HMG20A: variants seen among roughly 807,000 people sequenced by gnomAD.
The protein encoded by HMG20A is high mobility group protein 20A.
Under a neutral mutation model 43.9 loss-of-function variants are expected in HMG20A, and 17 were observed. The ratio of observed to expected loss-of-function variants is 0.39; its 90% CI spans 0.27 to 0.58. HMG20A has a LOEUF of 0.58. Among genes scored for constraint, HMG20A ranks in the 20% least tolerant of loss-of-function variants. HMG20A has a pLI of 0.59. For synonymous variants in HMG20A, 132 were observed against 147.5 expected (o/e 0.89, Z 0.76); for missense variants, 341 against 438.2 (o/e 0.78, Z 1.98).
At chr15:77,423,793 G>C (rs2073395815) in intron 1 of HMG20A, among the ~76,000 whole-genome samples, 1 of 152,144 alleles carries the variant, frequency 6.6e-6, no homozygotes, top group South Asian at 2.1e-4. Context: ...TGTCGTTTTG[G>C]TGGTGGTTTG....
At position 77,453,623 on chromosome 15, in the gene HMG20A, A is replaced by G. The variant is rs545371519; in HGVS notation, c.-4-4781A>G. On this transcript the variant is annotated intron_variant, in intron 1 of 9. Transcript: ENST00000336216. The stretch of plus-strand genomic sequence containing the variant: ...ATGTCCACACAAAAATTTATACACA[A>G]ATGTTCATAAGCAGCAGCATTCATA... Among the ~76,000 whole-genome samples, 5 of 152,336 alleles carry G rather than the reference A, an allele frequency of 3.3e-5. No individual in the cohort carries two copies. The South Asian group carries it at 1.0e-3, about 32-fold the overall frequency.
At chr15:77,514,166 A>G in the HMG20A span, among the ~76,000 whole-genome samples, 1 of 152,242 alleles carries the variant, frequency 6.6e-6, no homozygotes, top group Non-Finnish European at 1.5e-5. Context: ...TCAAATGCCC[A>G]TCACCAGTAG....
chr15:77,460,943 G>A (rs139511619), intron 2 of HMG20A, among the ~76,000 whole-genome samples: 66 of 152,182 alleles, frequency 4.3e-4, no homozygotes, highest in African/African-American at 1.5e-3. Flanking sequence ...CTGTGATCGT[G>A]CCACTGCACT....
At chr15:77,508,754 T>C in the HMG20A span, among the ~76,000 whole-genome samples, 1 of 152,252 alleles carries the variant, frequency 6.6e-6, no homozygotes, top group South Asian at 2.1e-4. Flanking sequence ...GGAGAAATTA[T>C]CCATTTTTAA....
At chr15:77,443,467 C>T (rs2073638793) in intron 1 of HMG20A, among the ~76,000 whole-genome samples, 1 of 150,216 alleles carries the variant, frequency 6.7e-6, no homozygotes, top group Non-Finnish European at 1.5e-5. Context: ...TCTCACCTCA[C>T]TGCAACATCC....
chr15:77,478,382 T>C lies in HMG20A; in HGVS notation c.779T>C (p.Met260Thr). Reference protein sequence around the residue: ...NAALQKHVESMRTAVEKLEVD... With the variant: ...NAALQKHVESTRTAVEKLEVD... ...GCCCTGCAAAAGCACGTGGAGAGCATGCGCACAGCAGTGGAGAAGCTGGAG... is the reference window on the plus strand; with the variant it reads ...GCCCTGCAAAAGCACGTGGAGAGCACGCGCACAGCAGTGGAGAAGCTGGAG... The change falls in exon 8 of 10, where the codon ATG becomes ACG. Residue 260 changes from methionine to threonine, a missense_variant. This residue lies in a region of HMG20A where 118 missense variants were observed against 154.5 expected (regional missense o/e 0.76). Coordinates refer to ENST00000336216, the MANE Select transcript of HMG20A (RefSeq NM_001304504.2). 1.2e-6 allele frequency: 2 copies of C among 1,613,588 alleles called. No homozygotes were observed. Among genetic ancestry groups the C allele is most frequent in the Non-Finnish European group, 1.7e-6 (2 of 1,180,026 alleles).
At chr15:77,497,427 C>A in the HMG20A span, among the ~76,000 whole-genome samples, 12 of 152,204 alleles carry the variant, frequency 7.9e-5, no homozygotes, top group African/African-American at 2.9e-4. Flanking sequence ...GGAGGCCTGG[C>A]TGGCTCCAAA....
downstream of HMG20A, among the ~76,000 whole-genome samples, chr15:77,487,331 G>A (rs182672932): frequency 5.9e-5 from 9 of 152,318 alleles, no homozygotes; most frequent in Admixed American, 2.6e-4. Flanking sequence ...GGCAACTAAT[G>A]TTAATTTCAT....
chr15:77,468,473 T>C (rs540294592), intron 4 of HMG20A, among the ~76,000 whole-genome samples: 1 of 152,278 alleles, frequency 6.6e-6, no homozygotes. Context: ...CAACACTCTT[T>C]ACCCAGATTC....
intron 1 of HMG20A, among the ~76,000 whole-genome samples, chr15:77,443,577 A>G (rs1490698052): frequency 6.6e-6 from 1 of 151,354 alleles, no homozygotes; most frequent in African/African-American, 2.4e-5. Context: ...TTTTCAGTAG[A>G]GACAGGGTTT....
chr15:77,494,479 C>T, the HMG20A span, among the ~76,000 whole-genome samples: 2 of 152,148 alleles, frequency 1.3e-5, no homozygotes, highest in African/African-American at 2.4e-5. Flanking sequence ...GACATCAGAA[C>T]AACATCTGGA....
At chr15:77,478,635 T>G in intron 8 of HMG20A, 125 bp downstream of exon 8, 1 of 733,112 alleles carries the variant, frequency 1.4e-6, no homozygotes, top group East Asian at 2.7e-5. Context: ...TTAATTAAAC[T>G]ACATTTTTTC....
At chr15:77,472,100 A>G (rs922564727) in intron 6 of HMG20A, among the ~76,000 whole-genome samples, 5 of 152,150 alleles carry the variant, frequency 3.3e-5, no homozygotes, top group Admixed American at 1.3e-4. Flanking sequence ...AAGTATAGAA[A>G]TGAGGGCTAG....
chr15:77,472,463 A>G (rs1056212389), intron 6 of HMG20A, among the ~76,000 whole-genome samples: 4 of 152,156 alleles, frequency 2.6e-5, no homozygotes, highest in African/African-American at 9.7e-5. Flanking sequence ...TTTAGTAGAG[A>G]CAGGGTTTCA....
chr15:77,506,722 G>T, the HMG20A span, among the ~76,000 whole-genome samples: 1 of 152,272 alleles, frequency 6.6e-6, no homozygotes, highest in Non-Finnish European at 1.5e-5. Flanking sequence ...CGGAATGGGT[G>T]TGACCTGTTC....
intron 1 of HMG20A, among the ~76,000 whole-genome samples, chr15:77,424,841 G>A (rs971019260): frequency 2.0e-5 from 3 of 152,094 alleles, no homozygotes; most frequent in African/African-American, 7.2e-5. Context: ...ATTGTTACAG[G>A]CAGACTTTCA....
At chr15:77,421,248 G>A (rs34844384) in intron 1 of HMG20A, among the ~76,000 whole-genome samples, 1 of 152,184 alleles carries the variant, frequency 6.6e-6, no homozygotes, top group Non-Finnish European at 1.5e-5. Context: ...GTGCTGATGA[G>A]GGCTTGAAAA....
intron 1 of HMG20A, among the ~76,000 whole-genome samples, chr15:77,435,912 A>G (rs369895529): frequency 6.7e-6 from 1 of 149,882 alleles, no homozygotes; most frequent in Non-Finnish European, 1.5e-5. Context: ...TCCTCTACTC[A>G]TCTTCTAACT....
chr15:77,488,999 A>G (rs1029684139), downstream of HMG20A, among the ~76,000 whole-genome samples: 1 of 152,170 alleles, frequency 6.6e-6, no homozygotes, highest in African/African-American at 2.4e-5. Context: ...CTCTTACGTG[A>G]CCTTAGGCAA....
Sources: gnomAD v4.1 joint callset for allele counts (sites outside exome capture counted in the v4.1 genomes callset) on GRCh38, gnomAD v4.1.1 for gene constraint, gnomAD v4.1.1 regional missense constraint, MANE v1.5 for transcripts, NCBI Gene and HGNC (gene_info 2026-07-23, HGNC 2026-07-21) for gene names.